Variants in PHLPP1 observed in about 807,000 individuals in gnomAD.
The protein encoded by PHLPP1 is PH domain leucine-rich repeat-containing protein phosphatase 1.
Under a neutral mutation model 117.2 loss-of-function variants are expected in PHLPP1, and 42 were observed. The ratio of observed to expected loss-of-function variants is 0.36; its 90% CI spans 0.28 to 0.46. The LOEUF is 0.46. PHLPP1 is among the 20% of genes least tolerant of loss of function. PHLPP1 has a pLI of 1.00. For missense variants in PHLPP1, 2,084 were observed against 2,241.9 expected, an observed-to-expected ratio of 0.93 and a Z score of 1.42; for synonymous variants, 1,042 against 970.7, an observed-to-expected ratio of 1.07 and a Z score of -1.37.
chr18:62,868,319 G>A (rs1280920568), intron 4 of PHLPP1, among the ~76,000 whole-genome samples: 2 of 151,992 alleles, frequency 1.3e-5, no homozygotes. Flanking sequence ...CATTGCATGT[G>A]TACCAAATCA....
chr18:62,975,547 G>T lies in PHLPP1; in HGVS notation c.3906G>T (p.Leu1302=). 6.2e-7 allele frequency: 1 copy of T among 1,614,002 alleles called. No homozygotes were observed. The change falls in exon 16 of 17, where the codon CTG becomes CTT. Residue 1302 remains leucine, a synonymous_variant. Transcript: ENST00000262719. ...QTVLCRNGKP[L]PLSRSYIMSC... ...TTCTCTGTCGAAATGGAAAGCCGCT[G>T]CCTCTGTCCAGATCTTACATCATGA...
intron 12 of PHLPP1, among the ~76,000 whole-genome samples, chr18:62,957,801 C>G (rs1333435736): frequency 1.3e-5 from 2 of 152,002 alleles, no homozygotes; most frequent in African/African-American, 4.8e-5. Context: ...CTGCATCCTC[C>G]ACCTCCCAGA....
chr18:62,967,823 T>C (rs1910945874), intron 14 of PHLPP1, among the ~76,000 whole-genome samples: 1 of 151,846 alleles, frequency 6.6e-6, no homozygotes, highest in South Asian at 2.1e-4. Context: ...ATGTAGTATA[T>C]TTTTCTTTTT....
At chr18:62,898,706 AAT>A (rs1916637391) in intron 6 of PHLPP1, among the ~76,000 whole-genome samples, 1 of 152,192 alleles carries the variant, frequency 6.6e-6, no homozygotes, top group Non-Finnish European at 1.5e-5. Context: ...AGTAACATAT[AAT>A]GATTTGACAT....
intron 6 of PHLPP1, 55 bp downstream of exon 6, chr18:62,896,066 G>GT (rs1381568504): frequency 2.8e-6 from 3 of 1,078,134 alleles, no homozygotes; most frequent in Non-Finnish European, 4.2e-6. Context: ...TATTGCAGGG[G>GT]TGGGGAGTAG....
chr18:62,752,341 C>T (rs1347136443), intron 1 of PHLPP1, among the ~76,000 whole-genome samples: 1 of 152,158 alleles, frequency 6.6e-6, no homozygotes, highest in African/African-American at 2.4e-5. Context: ...AAGCAAACAT[C>T]TAAACATTTT....
chr18:62,756,417 G>T (rs1367458500), intron 1 of PHLPP1, among the ~76,000 whole-genome samples: 1 of 152,240 alleles, frequency 6.6e-6, no homozygotes, highest in Admixed American at 6.5e-5. Context: ...GTAATGGACA[G>T]CCTGAATCAA....
intron 1 of PHLPP1, among the ~76,000 whole-genome samples, chr18:62,802,932 A>G (rs550810581): frequency 5.1e-4 from 77 of 152,372 alleles, no homozygotes; most frequent in African/African-American, 1.7e-3. Flanking sequence ...AAGGAACGGC[A>G]TGTTGGAACC....
At chr18:62,798,910 CAAAACAAAACAAAACAA>C (rs1895005895) in intron 1 of PHLPP1, among the ~76,000 whole-genome samples, 1 of 152,006 alleles carries the variant, frequency 6.6e-6, no homozygotes, top group South Asian at 2.1e-4. Context: ...AAAAACAAAA[CAAAACAAAACAAAACAA>C]AAAACAAAAC....
At chr18:62,929,717 G>A (rs1599126537) in intron 10 of PHLPP1, among the ~76,000 whole-genome samples, 1 of 152,332 alleles carries the variant, frequency 6.6e-6, no homozygotes, top group East Asian at 1.9e-4. Flanking sequence ...GGAGGCCAAA[G>A]CAGGAGGATA....
intron 1 of PHLPP1, among the ~76,000 whole-genome samples, chr18:62,722,204 T>G (rs1306384383): frequency 6.6e-6 from 1 of 152,240 alleles, no homozygotes; most frequent in Admixed American, 6.5e-5. Context: ...GAAAGTTTTC[T>G]TAGAGTTAAC....
intron 13 of PHLPP1, 51 bp from the exon 14 acceptor site, chr18:62,963,317 G>C: frequency 3.3e-6 from 4 of 1,212,180 alleles, no homozygotes; most frequent in Non-Finnish European, 4.8e-6. Context: ...GTAGCAATTT[G>C]CACACATTTG....
intron 1 of PHLPP1, among the ~76,000 whole-genome samples, chr18:62,783,900 C>T (rs568031361): frequency 8.5e-5 from 13 of 152,310 alleles, no homozygotes; most frequent in African/African-American, 3.1e-4. Flanking sequence ...GGTCTGGTCT[C>T]TCATTCAAGA....
intron 1 of PHLPP1, chr18:62,825,608 C>T (rs971750520): frequency 1.3e-5 from 2 of 151,720 alleles, no homozygotes; most frequent in Non-Finnish European, 2.9e-5. Flanking sequence ...CTACAGGTGC[C>T]TGCCACCACT....
intron 4 of PHLPP1, among the ~76,000 whole-genome samples, chr18:62,863,682 C>G (rs1262422673): frequency 1.3e-5 from 2 of 152,206 alleles, no homozygotes; most frequent in African/African-American, 4.8e-5. Context: ...GGGAGTGTCT[C>G]TTAGCATGCT....
intron 1 of PHLPP1, among the ~76,000 whole-genome samples, chr18:62,794,219 C>CTTGTT: frequency 6.6e-6 from 1 of 152,116 alleles, no homozygotes; most frequent in East Asian, 1.9e-4. Flanking sequence ...ATTTGAAGTG[C>CTTGTT]TTGTTTTGTT....
At chr18:62,942,076 T>G (rs1487338384) in intron 11 of PHLPP1, among the ~76,000 whole-genome samples, 158 bp downstream of exon 11, 1 of 152,236 alleles carries the variant, frequency 6.6e-6, no homozygotes, top group South Asian at 2.1e-4. Context: ...TGATGACATT[T>G]CCCTAAAGAG....
At position 62,972,530 on chromosome 18, in the gene PHLPP1, C is replaced by T; in HGVS notation, c.3577C>T (p.Leu1193=). Residue 1193 remains leucine, a synonymous_variant, in exon 15 of 17, where the codon CTG becomes TTG. Coordinates refer to ENST00000262719, the MANE Select transcript of PHLPP1 (RefSeq NM_194449.4). ...GCCTTGCAGGTTGTGTGTCGCAGCC[C>T]TGTCGGTGAATAACTTCTGTGACAA... ...GVKNKLCVAA[L]SVNNFCDNRE... 1 of 1,612,680 alleles carries T rather than the reference C, an allele frequency of 6.2e-7. No individual in the cohort carries two copies. Among genetic ancestry groups the T allele is most frequent in the Non-Finnish European group, 8.5e-7 (1 of 1,179,818 alleles).
chr18:62,967,701 A>T (rs1238891962), intron 14 of PHLPP1, among the ~76,000 whole-genome samples: 1 of 151,918 alleles, frequency 6.6e-6, no homozygotes, highest in Non-Finnish European at 1.5e-5. Context: ...ATCAATTGAG[A>T]TGACTGTATG....
Sources: gnomAD v4.1 joint callset for allele counts (sites outside exome capture counted in the v4.1 genomes callset) on GRCh38, gnomAD v4.1.1 for gene constraint, MANE v1.5 for transcripts, NCBI Gene and HGNC (gene_info 2026-07-23, HGNC 2026-07-21) for gene names.